The following TRAM2 variants were observed in gnomAD, a reference collection of about 807,000 sequenced individuals.
TRAM2 encodes the protein translocation associated membrane protein 2, also known as translocating chain-associated membrane protein 2.
Under a neutral mutation model 51.0 loss-of-function variants are expected in TRAM2, and 12 were observed. The observed-to-expected ratio is 0.24, with a 90% CI of 0.15 to 0.38. TRAM2 has a LOEUF of 0.38. TRAM2 is among the 10% of genes least tolerant of loss of function. The pLI, the probability that TRAM2 is intolerant of heterozygous loss-of-function variation, is 1.00. For synonymous variants in TRAM2, 175 were observed against 179.4 expected, an observed-to-expected ratio of 0.98 and a Z score of 0.20; for missense variants, 361 against 462.0, an observed-to-expected ratio of 0.78 and a Z score of 2.00.
intron 4 of TRAM2, among the ~76,000 whole-genome samples, chr6:52,509,840 C>T (rs1766421806): frequency 6.6e-6 from 1 of 152,184 alleles, no homozygotes; most frequent in Non-Finnish European, 1.5e-5. Context: ...GAAGATGAGT[C>T]TGACAAGCGA....
At chr6:52,503,361 C>A (rs552414683) in intron 10 of TRAM2, 91 bp from the exon 11 acceptor site, 1 of 1,188,338 alleles carries the variant, frequency 8.4e-7, no homozygotes, top group Non-Finnish European at 1.3e-6. Flanking sequence ...GGAAGGGGCC[C>A]GGGCAGCCCA....
chr6:52,533,653 GT>G (rs1465954702), intron 2 of TRAM2, among the ~76,000 whole-genome samples: 1 of 152,206 alleles, frequency 6.6e-6, no homozygotes, highest in Non-Finnish European at 1.5e-5. Flanking sequence ...GCAGGGGATG[GT>G]GGGCCCAGGA....
chr6:52,524,802 G>A (rs1449440556), intron 2 of TRAM2: 1 of 151,924 alleles, frequency 6.6e-6, no homozygotes, highest in East Asian at 1.9e-4. Context: ...AAAAGACCTG[G>A]AGCTCACTTC....
intron 4 of TRAM2, among the ~76,000 whole-genome samples, chr6:52,514,756 C>T (rs773556703): frequency 2.6e-5 from 4 of 152,232 alleles, no homozygotes; most frequent in Admixed American, 2.6e-4. Context: ...TGAGGCTGTT[C>T]TGCTTCAAAG....
At chr6:52,573,257 G>A (rs1378888257) in intron 1 of TRAM2, among the ~76,000 whole-genome samples, 7 of 152,174 alleles carry the variant, frequency 4.6e-5, no homozygotes, top group Non-Finnish European at 1.0e-4. Context: ...GAGAAGGGAA[G>A]GTGGAGGGGG....
chr6:52,508,742 C>T (rs538637617), intron 5 of TRAM2, among the ~76,000 whole-genome samples: 9 of 152,088 alleles, frequency 5.9e-5, no homozygotes, highest in African/African-American at 1.9e-4. Context: ...TTAAAGATCT[C>T]GGGAAAGGCA....
rs530633150 is a variant in TRAM2 at position 52,563,266 on chromosome 6, C to G, written c.120+13530G>C. On this transcript the variant is annotated intron_variant, in intron 1 of 10. Transcript: ENST00000182527. Reference sequence around the variant, plus strand: ...AAAGATCCCCCAGATATTCTGTTAACTGAAAAGGCAAGGTGCAAAAGTATA... The same window carrying G: ...AAAGATCCCCCAGATATTCTGTTAAGTGAAAAGGCAAGGTGCAAAAGTATA... 3.3e-5 allele frequency among the ~76,000 whole-genome samples: 5 copies of G among 152,216 alleles called. No individual in the cohort carries two copies. The South Asian group carries it at 1.0e-3, about 32-fold the overall frequency.
At chr6:52,528,311 T>C (rs1766820222) in intron 2 of TRAM2, among the ~76,000 whole-genome samples, 1 of 152,034 alleles carries the variant, frequency 6.6e-6, no homozygotes, top group Middle Eastern at 3.2e-3. Flanking sequence ...GGCCACAGAT[T>C]AGGTAGCTTT....
At chr6:52,532,139 A>G (rs1581881499) in intron 2 of TRAM2, among the ~76,000 whole-genome samples, 1 of 152,156 alleles carries the variant, frequency 6.6e-6, no homozygotes, top group East Asian at 1.9e-4. Flanking sequence ...TGAGGATATC[A>G]CTTGTCTGCC....
Position 52,498,255 on chromosome 6 carries a change from T to C in TRAM2, c.*4942A>G, listed in dbSNP as rs1766128982. ...AAAGGACCACTGGCTGGGAGAGTTA[T>C]TGCACAACCCGGAAGAGTGAGAAAA... On this transcript the variant is annotated 3_prime_UTR_variant, in exon 11 of 11. Coordinates refer to ENST00000182527, the MANE Select transcript of TRAM2 (RefSeq NM_012288.4). The C allele has an allele frequency of 2.0e-5, 3 of 152,526 alleles. No individual in the cohort carries two copies. Among genetic ancestry groups the C allele is most frequent in the South Asian group, 2.1e-4 (1 of 4,824 alleles). 9.4% of individuals were successfully genotyped at this position (152,526 alleles called of 1,614,324 possible).
At chr6:52,540,785 G>A (rs1476259013) in intron 1 of TRAM2, among the ~76,000 whole-genome samples, 2 of 152,160 alleles carry the variant, frequency 1.3e-5, no homozygotes, top group Admixed American at 6.5e-5. Context: ...ACATTATTGA[G>A]TTTAATAGCA....
At chr6:52,560,896 T>C (rs1767487301) in intron 1 of TRAM2, among the ~76,000 whole-genome samples, 1 of 152,170 alleles carries the variant, frequency 6.6e-6, no homozygotes, top group Non-Finnish European at 1.5e-5. Flanking sequence ...ACCCCCAAGG[T>C]ATATATCCAA....
At chr6:52,511,715 G>A (rs756346354) in intron 4 of TRAM2, among the ~76,000 whole-genome samples, 54 of 152,126 alleles carry the variant, frequency 3.5e-4, no homozygotes, top group Non-Finnish European at 6.8e-4. Context: ...TGCCTTTCGG[G>A]TATAGTCCAC....
chr6:52,550,001 CAG>C (rs930186992), intron 1 of TRAM2, among the ~76,000 whole-genome samples: 2 of 152,146 alleles, frequency 1.3e-5, no homozygotes, highest in Non-Finnish European at 2.9e-5. Context: ...AGGAGTCAAA[CAG>C]AAGGCAGAAT....
At position 52,577,045 on chromosome 6, in the gene TRAM2, A is replaced by C; in HGVS notation, c.-130T>G. On this transcript the variant is annotated 5_prime_UTR_variant, in exon 1 of 11. Transcript: ENST00000182527. The stretch of plus-strand genomic sequence containing the variant: ...CTCTCCCACAGCCGCTCGCCCGCCC[A>C]GCGCGGAACAACTTCGGGGCCCGCC... The C allele has an allele frequency of 9.3e-7, 1 of 1,080,754 alleles. No individual in the cohort carries two copies. The allele number at this position is 1,080,754 out of a possible 1,614,324, so 66.9% of individuals were successfully genotyped here. A position where few individuals can be genotyped will look rare whatever the true frequency, so the allele number is the denominator to read the frequency against.
At chr6:52,512,819 T>C (rs1766474182) in intron 4 of TRAM2, among the ~76,000 whole-genome samples, 1 of 152,308 alleles carries the variant, frequency 6.6e-6, no homozygotes, top group Non-Finnish European at 1.5e-5. Flanking sequence ...CCTTATATTA[T>C]TTGACCATCA....
At chr6:52,530,012 AGG>A (rs1766857086) in intron 2 of TRAM2, 1 of 152,368 alleles carries the variant, frequency 6.6e-6, no homozygotes, top group Admixed American at 6.5e-5. Flanking sequence ...AGAACCGAGC[AGG>A]GTGGATGGTT....
intron 4 of TRAM2, among the ~76,000 whole-genome samples, chr6:52,512,062 C>T (rs1259195948): frequency 6.6e-6 from 1 of 152,154 alleles, no homozygotes; most frequent in Non-Finnish European, 1.5e-5. Context: ...CTCTCCTGCC[C>T]CAGGCTACCT....
intron 5 of TRAM2, among the ~76,000 whole-genome samples, chr6:52,508,956 C>A (rs1766399458): frequency 6.6e-6 from 1 of 152,192 alleles, no homozygotes; most frequent in Non-Finnish European, 1.5e-5. Context: ...ATCGCTTAAA[C>A]CCAGGAGGTG....
Sources: gnomAD v4.1 joint callset for allele counts (sites outside exome capture counted in the v4.1 genomes callset) on GRCh38, gnomAD v4.1.1 for gene constraint, MANE v1.5 for transcripts, NCBI Gene and HGNC (gene_info 2026-07-23, HGNC 2026-07-21) for gene names.